Variants in TENM2 observed in about 807,000 individuals in gnomAD.
The protein encoded by TENM2 is teneurin-2.
TENM2 carries 52 observed loss-of-function variants against 245.2 expected under a neutral mutation model. The ratio of observed to expected loss-of-function variants is 0.21; its 90% CI spans 0.17 to 0.27. TENM2 has a LOEUF of 0.27. Ranked by LOEUF, TENM2 falls within the 10% of genes least tolerant of loss-of-function variation. The pLI, the probability that TENM2 is intolerant of heterozygous loss-of-function variation, is 1.00. For missense variants in TENM2, 3,046 were observed against 3,666.8 expected, an observed-to-expected ratio of 0.83 and a Z score of 4.37; for synonymous variants, 1,363 against 1,438.9, an observed-to-expected ratio of 0.95 and a Z score of 1.19.
At chr5:167,883,837 C>T (rs1414512359) in intron 3 of TENM2, among the ~76,000 whole-genome samples, 1 of 152,114 alleles carries the variant, frequency 6.6e-6, no homozygotes, top group African/African-American at 2.4e-5. Context: ...TAAAAGTGTC[C>T]CCAGTCCCTT....
At chr5:167,647,767 C>A (rs1780065056) in intron 2 of TENM2, among the ~76,000 whole-genome samples, 2 of 152,122 alleles carry the variant, frequency 1.3e-5, no homozygotes, top group African/African-American at 2.4e-5. Context: ...CATGATCTGA[C>A]CCCCATCTGT....
chr5:168,058,711 A>G (rs1789776798), intron 6 of TENM2, among the ~76,000 whole-genome samples: 1 of 152,182 alleles, frequency 6.6e-6, no homozygotes, highest in South Asian at 2.1e-4. Flanking sequence ...GCATGTGCCC[A>G]CACTATTTTT....
chr5:168,139,545 AG>A (rs1373927191), intron 12 of TENM2: 1 of 456,326 alleles, frequency 2.2e-6, no homozygotes, highest in Admixed American at 2.3e-5. Context: ...CCTTGGTAGG[AG>A]GTGGTTGGGC....
At chr5:167,919,081 G>C (rs1463201348) in intron 3 of TENM2, among the ~76,000 whole-genome samples, 1 of 152,128 alleles carries the variant, frequency 6.6e-6, no homozygotes, top group Non-Finnish European at 1.5e-5. Context: ...TCTTGCTTTT[G>C]TCTGGGGGCC....
At chr5:167,070,135 T>TATTTATTTATTTATTTATTTATTTA in the TENM2 span, among the ~76,000 whole-genome samples, 1 of 151,414 alleles carries the variant, frequency 6.6e-6, no homozygotes, top group African/African-American at 2.4e-5. Context: ...ATTTATTTTT[T>TATTTATTTATTTATTTATTTATTTA]GAGACAGAGT....
chr5:168,028,395 G>A (rs1786811959), intron 5 of TENM2, among the ~76,000 whole-genome samples: 1 of 152,082 alleles, frequency 6.6e-6, no homozygotes, highest in South Asian at 2.1e-4. Context: ...CTTCTAGGCA[G>A]AGACCCATCC....
At chr5:167,316,892 T>A (rs1756395905) in intron 1 of TENM2, among the ~76,000 whole-genome samples, 1 of 152,190 alleles carries the variant, frequency 6.6e-6, no homozygotes, top group Non-Finnish European at 1.5e-5. Context: ...TGCTTTATTG[T>A]GGCTAATTAT....
At chr5:167,394,145 A>ATTT in intron 2 of TENM2, among the ~76,000 whole-genome samples, 1 of 152,126 alleles carries the variant, frequency 6.6e-6, no homozygotes, top group African/African-American at 2.4e-5. Context: ...AGTCCCACCT[A>ATTT]TTTTTGCTTT....
chr5:167,405,668 T>C (rs1762589957), intron 2 of TENM2, among the ~76,000 whole-genome samples: 1 of 151,812 alleles, frequency 6.6e-6, no homozygotes, highest in South Asian at 2.1e-4. Context: ...GAGAACTGTT[T>C]CTGTTCATCT....
At chr5:167,375,108 G>C in intron 1 of TENM2, 90 bp from the exon 4 acceptor site, 1 of 1,380,096 alleles carries the variant, frequency 7.2e-7, no homozygotes, top group Non-Finnish European at 9.9e-7. Context: ...TGTCAGATGG[G>C]AAAAGTGGCT....
At chr5:168,006,302 C>T (rs978783957) in intron 5 of TENM2, among the ~76,000 whole-genome samples, 4 of 152,168 alleles carry the variant, frequency 2.6e-5, no homozygotes, top group African/African-American at 9.7e-5. Flanking sequence ...GACTTAACAT[C>T]GCTACCCTGA....
chr5:167,338,995 T>C (rs1340998092), intron 1 of TENM2, among the ~76,000 whole-genome samples: 3 of 152,202 alleles, frequency 2.0e-5, no homozygotes, highest in Admixed American at 2.0e-4. Flanking sequence ...GAGGCTTCAG[T>C]ATGCCAAGTT....
At chr5:167,437,800 C>G (rs540240823) in intron 2 of TENM2, among the ~76,000 whole-genome samples, 2 of 152,276 alleles carry the variant, frequency 1.3e-5, no homozygotes, top group Non-Finnish European at 2.9e-5. Flanking sequence ...CTCATTCTCT[C>G]TTGCCTGCTG....
the TENM2 span, among the ~76,000 whole-genome samples, chr5:167,073,310 A>G: frequency 4.3e-4 from 66 of 152,062 alleles, no homozygotes; most frequent in Middle Eastern, 3.4e-3. Context: ...GCTGTGGAGC[A>G]CTCCTGTAAA....
intron 7 of TENM2, among the ~76,000 whole-genome samples, chr5:168,075,764 T>C (rs534273088): frequency 6.6e-6 from 1 of 152,350 alleles, no homozygotes; most frequent in South Asian, 2.1e-4. Flanking sequence ...AAAGGAGGTT[T>C]AATGGACTCA....
intron 2 of TENM2, among the ~76,000 whole-genome samples, chr5:167,496,782 G>A (rs553037703): frequency 8.5e-5 from 13 of 152,124 alleles, no homozygotes; most frequent in South Asian, 8.3e-4. Context: ...CTGTAGAACC[G>A]GGGATGCTAG....
the TENM2 span, among the ~76,000 whole-genome samples, chr5:167,257,798 T>C: frequency 1.2e-4 from 18 of 151,846 alleles, no homozygotes; most frequent in Admixed American, 8.5e-4. Flanking sequence ...TACATGTAAA[T>C]GAAAAAGAAT....
the TENM2 span, among the ~76,000 whole-genome samples, chr5:167,001,211 G>C: frequency 6.6e-6 from 1 of 152,044 alleles, no homozygotes; most frequent in African/African-American, 2.4e-5. Flanking sequence ...AAAAGAGTTT[G>C]GTCTCATTGT....
At chr5:168,232,644 C>A (rs1765040753) in intron 25 of TENM2, among the ~76,000 whole-genome samples, 1 of 152,210 alleles carries the variant, frequency 6.6e-6, no homozygotes, top group African/African-American at 2.4e-5. Flanking sequence ...GCCCAAGGCT[C>A]TGAACATTCC....
Sources: allele counts gnomAD v4.1 joint callset (sites outside exome capture counted in the v4.1 genomes callset), GRCh38; gene constraint gnomAD v4.1.1; transcripts MANE v1.5; gene names NCBI Gene and HGNC (gene_info 2026-07-23, HGNC 2026-07-21).